SORCS1: variants seen among roughly 807,000 people sequenced by gnomAD.
The protein encoded by SORCS1 is VPS10 domain-containing receptor SorCS1.
In SORCS1, 60 loss-of-function variants were observed where a neutral mutation model predicts 146.1. The ratio of observed to expected loss-of-function variants is 0.41; its 90% CI spans 0.33 to 0.51. The LOEUF is 0.51. Among genes scored for constraint, SORCS1 ranks in the 20% least tolerant of loss-of-function variants. The pLI, the probability that SORCS1 is intolerant of heterozygous loss-of-function variation, is 0.21. For missense variants in SORCS1, 1,352 were observed against 1,487.6 expected, an observed-to-expected ratio of 0.91 and a Z score of 1.50; for synonymous variants, 637 against 584.0, an observed-to-expected ratio of 1.09 and a Z score of -1.31.
intron 1 of SORCS1, among the ~76,000 whole-genome samples, chr10:107,057,382 C>A (rs1960748129): frequency 6.6e-6 from 1 of 152,132 alleles, no homozygotes; most frequent in South Asian, 2.1e-4. Context: ...TAAGATAAAG[C>A]CCTGTTCTTT....
At chr10:106,786,881 T>C (rs962110008) in intron 3 of SORCS1, among the ~76,000 whole-genome samples, 4 of 152,208 alleles carry the variant, frequency 2.6e-5, no homozygotes, top group Non-Finnish European at 5.9e-5. Flanking sequence ...CATTGGGTCT[T>C]ACCTTAAACT....
chr10:106,592,237 C>T (rs929195120), intron 24 of SORCS1, among the ~76,000 whole-genome samples: 2 of 152,126 alleles, frequency 1.3e-5, no homozygotes. Context: ...AAACCAAGAA[C>T]CACAGGAATG....
intron 2 of SORCS1, among the ~76,000 whole-genome samples, chr10:106,934,177 A>G (rs1267373157): frequency 6.6e-6 from 1 of 152,026 alleles, no homozygotes; most frequent in East Asian, 1.9e-4. Flanking sequence ...GGTGAAAAGG[A>G]AACGTTTATA....
intron 1 of SORCS1, among the ~76,000 whole-genome samples, chr10:106,996,266 A>G (rs1169345931): frequency 1.9e-3 from 1 of 528 alleles, no homozygotes; most frequent in African/African-American, 8.6e-3. Flanking sequence ...GTAGAAATGA[A>G]ATGTACAAAT....
chr10:106,980,455 C>G (rs1020535667), intron 1 of SORCS1, among the ~76,000 whole-genome samples: 1 of 152,166 alleles, frequency 6.6e-6, no homozygotes, highest in Admixed American at 6.5e-5. Context: ...GCAACTCTGT[C>G]CTGTTTATAA....
At chr10:107,023,398 T>C (rs933758279) in intron 1 of SORCS1, among the ~76,000 whole-genome samples, 1 of 152,210 alleles carries the variant, frequency 6.6e-6, no homozygotes, top group African/African-American at 2.4e-5. Context: ...GGATTTTAAC[T>C]GGTTGTATTC....
chr10:106,648,267 C>T (rs1359657827), intron 18 of SORCS1, among the ~76,000 whole-genome samples: 10 of 152,000 alleles, frequency 6.6e-5, no homozygotes, highest in Non-Finnish European at 8.8e-5. Context: ...ACTGTAATTC[C>T]CCTGTCAGTA....
intron 1 of SORCS1, among the ~76,000 whole-genome samples, chr10:107,092,888 A>G (rs891487182): frequency 2.0e-5 from 3 of 151,154 alleles, no homozygotes; most frequent in Non-Finnish European, 4.4e-5. Flanking sequence ...ACCATGAAAA[A>G]AAAAAAAAAA....
intron 5 of SORCS1, among the ~76,000 whole-genome samples, chr10:106,747,978 T>C (rs1370378440): frequency 1.3e-5 from 2 of 152,208 alleles, no homozygotes; most frequent in African/African-American, 4.8e-5. Context: ...CTGTCCTACA[T>C]TTTTCACTCA....
At chr10:107,095,333 C>A (rs939867712) in intron 1 of SORCS1, among the ~76,000 whole-genome samples, 2 of 152,168 alleles carry the variant, frequency 1.3e-5, no homozygotes, top group Non-Finnish European at 2.9e-5. Flanking sequence ...CAAGGGACAA[C>A]ATTCTTTAGT....
chr10:106,816,456 C>T (rs539315643), intron 3 of SORCS1, among the ~76,000 whole-genome samples: 1 of 152,318 alleles, frequency 6.6e-6, no homozygotes, highest in South Asian at 2.1e-4. Context: ...GGACTTTGGT[C>T]TCTCTGTCAG....
At chr10:106,644,848 C>T (rs545336984) in intron 18 of SORCS1, among the ~76,000 whole-genome samples, 13 of 152,260 alleles carry the variant, frequency 8.5e-5, no homozygotes, top group African/African-American at 3.1e-4. Flanking sequence ...TGTAAATATA[C>T]TGTAGTTTAT....
In SORCS1 at chr10:106,576,716, C is replaced by T. The variant is rs981813009; in HGVS notation, c.*704G>A. 1 of 153,404 alleles carries T rather than the reference C, an allele frequency of 6.5e-6. No individual in the cohort carries two copies. The highest frequency in any genetic ancestry group is 1.4e-5 in the Non-Finnish European group (1 of 68,970). 9.5% of individuals were successfully genotyped at this position (153,404 alleles called of 1,614,324 possible). On this transcript the variant is annotated 3_prime_UTR_variant, in exon 26 of 26. Coordinates refer to ENST00000263054, the MANE Select transcript of SORCS1 (RefSeq NM_052918.5). ...CAGCCTTGTGGCCACTGCTGACCAA[C>T]AGAGCTACCAAAGCTAACTTAGAAG...
At chr10:107,073,938 T>C (rs573731095) in intron 1 of SORCS1, among the ~76,000 whole-genome samples, 1 of 152,228 alleles carries the variant, frequency 6.6e-6, no homozygotes, top group Admixed American at 6.5e-5. Context: ...GTACAGAGAT[T>C]TCCCATATAT....
rs1182576951 is a variant in SORCS1, at chr10:106,607,403, G to A, written c.3034-106C>T. 6 of 1,449,968 alleles carry A rather than the reference G, an allele frequency of 4.1e-6. No individual in the cohort carries two copies. In the Admixed American group the frequency reaches 9.1e-5, roughly 22 times the overall value. The allele number at this position is 1,449,968 out of a possible 1,614,324, so 89.8% of individuals were successfully genotyped here. ...AGGGGTAGGCAGAAGACACCACAAG[G>A]GGCCTGAAAGCAGAGGCCTGGGCAT... is the stretch of plus-strand genomic sequence containing the variant. On this transcript the variant is annotated intron_variant, in intron 22 of 25. Transcript: ENST00000263054.
intron 1 of SORCS1, among the ~76,000 whole-genome samples, chr10:107,108,948 A>G (rs1590157299): frequency 6.6e-6 from 1 of 152,254 alleles, no homozygotes; most frequent in East Asian, 1.9e-4. Flanking sequence ...CAAGGCAGTC[A>G]TTAAATCTTA....
At chr10:106,961,260 C>T (rs567806017) in intron 1 of SORCS1, among the ~76,000 whole-genome samples, 1 of 152,306 alleles carries the variant, frequency 6.6e-6, no homozygotes, top group Admixed American at 6.5e-5. Flanking sequence ...GCAGTCTCTC[C>T]TATGCCAATT....
intron 1 of SORCS1, among the ~76,000 whole-genome samples, chr10:107,029,982 T>G (rs541001559): frequency 6.6e-6 from 1 of 152,110 alleles, no homozygotes; most frequent in Non-Finnish European, 1.5e-5. Context: ...GAGTGGAAAG[T>G]AGAGGAGCCT....
At chr10:106,706,395 A>C (rs1854532249) in intron 8 of SORCS1, 150 bp downstream of exon 8, 1 of 701,354 alleles carries the variant, frequency 1.4e-6, no homozygotes, top group South Asian at 1.8e-5. Flanking sequence ...CCAAAGAGAC[A>C]GTAAGGCAGA....
Sources: gnomAD v4.1 joint callset for allele counts (sites outside exome capture counted in the v4.1 genomes callset) on GRCh38, gnomAD v4.1.1 for gene constraint, MANE v1.5 for transcripts, NCBI Gene and HGNC (gene_info 2026-07-23, HGNC 2026-07-21) for gene names.